Variants in FDX1 observed in about 807,000 individuals in gnomAD.
FDX1 encodes ferredoxin 1.
FDX1 carries 9 observed loss-of-function variants against 14.9 expected under a neutral mutation model. That is an observed-to-expected ratio of 0.60 (90% confidence interval 0.36 to 1.05). The LOEUF (loss-of-function observed/expected upper bound fraction) is 1.05, where lower values mean the gene tolerates loss of function less well. Ranked by LOEUF, FDX1 falls within the 50% of genes least tolerant of loss-of-function variation. FDX1 has a pLI of 0.01. For missense variants in FDX1, 204 were observed against 237.2 expected, an observed-to-expected ratio of 0.86 and a Z score of 0.92; for synonymous variants, 92 against 99.4, an observed-to-expected ratio of 0.93 and a Z score of 0.44.
chr11:110,455,296 G>A (rs1220378379), intron 2 of FDX1, among the ~76,000 whole-genome samples: 1 of 151,908 alleles, frequency 6.6e-6, no homozygotes, highest in Admixed American at 6.6e-5. Context: ...CACCGTGCCC[G>A]GCCTGTTTTT....
rs114137057 is a variant in FDX1 at position 110,446,848 on chromosome 11, C to G, written c.311-10070C>G. On this transcript the variant is annotated intron_variant, in intron 2 of 3. Coordinates refer to ENST00000260270, the MANE Select transcript of FDX1 (RefSeq NM_004109.5). The stretch of plus-strand genomic sequence containing the variant: ...GAGTTTAACAGCCAGGTAATTTGTC[C>G]TAACAGAAATCAGACATGTCAGTCC... Among the ~76,000 whole-genome samples, 1,353 of 152,284 alleles carry G rather than the reference C, an allele frequency of 8.9e-3. 28 individuals carry two copies. The highest frequency in any genetic ancestry group is 0.031 in the African/African-American group (1,275 of 41,556).
chr11:110,462,188 T>C (rs917992202), intron 3 of FDX1, among the ~76,000 whole-genome samples, 166 bp from the exon 4 acceptor site: 2 of 152,234 alleles, frequency 1.3e-5, no homozygotes, highest in African/African-American at 4.8e-5. Context: ...TATTCTCTAG[T>C]TGATAGGGTT....
intron 3 of FDX1, 35 bp downstream of exon 3, chr11:110,457,082 A>G: frequency 6.3e-7 from 1 of 1,584,048 alleles, no homozygotes; most frequent in South Asian, 1.1e-5. Context: ...TGTAATAATA[A>G]TCTGGGAACA....
chr11:110,450,118 A>G (rs534254576), intron 2 of FDX1, among the ~76,000 whole-genome samples: 10 of 152,136 alleles, frequency 6.6e-5, no homozygotes, highest in African/African-American at 2.4e-4. Context: ...TCCATGGGCA[A>G]GGTTGGGGTG....
intron 2 of FDX1, among the ~76,000 whole-genome samples, chr11:110,445,620 T>C (rs1299462456): frequency 6.6e-6 from 1 of 152,236 alleles, no homozygotes; most frequent in Non-Finnish European, 1.5e-5. Flanking sequence ...CACAGTTAAA[T>C]AAAGTTTTTT....
chr11:110,453,558 GTT>G, intron 2 of FDX1, among the ~76,000 whole-genome samples: 1 of 142,194 alleles, frequency 7.0e-6, no homozygotes, highest in East Asian at 2.1e-4. Context: ...ATTTTTGCAG[GTT>G]TTTTTTTTTC....
At chr11:110,460,077 C>T (rs1057370095) in intron 3 of FDX1, among the ~76,000 whole-genome samples, 3 of 152,212 alleles carry the variant, frequency 2.0e-5, no homozygotes, top group African/African-American at 7.2e-5. Context: ...AACAGACTCT[C>T]TAGAGCTCAC....
At chr11:110,459,162 C>T (rs956258333) in intron 3 of FDX1, among the ~76,000 whole-genome samples, 1 of 150,980 alleles carries the variant, frequency 6.6e-6, no homozygotes, top group Non-Finnish European at 1.5e-5. Flanking sequence ...GTAATTGCTC[C>T]CTGCCACCAG....
chr11:110,461,834 T>G (rs1283561586), intron 3 of FDX1, among the ~76,000 whole-genome samples: 1 of 152,210 alleles, frequency 6.6e-6, no homozygotes, highest in Admixed American at 6.5e-5. Context: ...TTAAGATGCT[T>G]CTTGATTTCC....
chr11:110,444,685 C>CATATATATAT (rs1340877039), intron 2 of FDX1, among the ~76,000 whole-genome samples: 1 of 36,736 alleles, frequency 2.7e-5, no homozygotes, highest in African/African-American at 1.6e-4. Flanking sequence ...TATATATATA[C>CATATATATAT]ACGTATATAT....
intron 2 of FDX1, among the ~76,000 whole-genome samples, chr11:110,442,011 C>T (rs56691097): frequency 0.024 from 3,579 of 152,292 alleles, 128 homozygotes; most frequent in African/African-American, 0.075. Flanking sequence ...GAGCTAGGGC[C>T]GTGGCTTCAG....
rs1946318173 is a variant in FDX1 at position 110,430,010 on chromosome 11, C to T, written c.-111C>T. ...TCCGCCACTCCAGCCCCGCGCCCCT[C>T]GCCGCGGCCCTCGGGCGTCTGCGCC... On this transcript the variant is annotated 5_prime_UTR_variant, in exon 1 of 4. Coordinates refer to ENST00000260270, the MANE Select transcript of FDX1 (RefSeq NM_004109.5). 3 of 762,588 alleles carry T rather than the reference C, an allele frequency of 3.9e-6. No homozygotes were observed. Among genetic ancestry groups the T allele is most frequent in the Non-Finnish European group, 3.5e-6 (2 of 572,154 alleles). The allele number at this position is 762,588 out of a possible 1,614,324, so 47.2% of individuals were successfully genotyped here.
chr11:110,434,612 C>T (rs1351309733), intron 1 of FDX1, among the ~76,000 whole-genome samples: 1 of 151,704 alleles, frequency 6.6e-6, no homozygotes, highest in East Asian at 1.9e-4. Flanking sequence ...GAATTACAGG[C>T]GTGAGTCACC....
chr11:110,457,395 A>G (rs747564805), intron 3 of FDX1, among the ~76,000 whole-genome samples: 1 of 139,716 alleles, frequency 7.2e-6, no homozygotes, highest in Non-Finnish European at 1.5e-5. Context: ...CACAATTATA[A>G]TGGAAAGTTT....
intron 1 of FDX1, 21 bp downstream of exon 1, chr11:110,430,326 G>C: frequency 1.7e-6 from 2 of 1,186,068 alleles, no homozygotes; most frequent in Non-Finnish European, 2.1e-6. Context: ...GTGCGGGCGC[G>C]ATCGCCGGCG....
At chr11:110,454,996 G>GT (rs1366278295) in intron 2 of FDX1, among the ~76,000 whole-genome samples, 1 of 152,082 alleles carries the variant, frequency 6.6e-6, no homozygotes, top group Non-Finnish European at 1.5e-5. Context: ...TCACGATGGT[G>GT]TTTTTTTGTT....
chr11:110,430,000 C>T lies in FDX1; in HGVS notation c.-121C>T. On this transcript the variant is annotated 5_prime_UTR_variant, in exon 1 of 4. Coordinates refer to ENST00000260270, the MANE Select transcript of FDX1 (RefSeq NM_004109.5). ...GCAGGGTCTCTCCGCCACTCCAGCCCCGCGCCCCTCGCCGCGGCCCTCGGG... is the reference window on the plus strand; with the variant it reads ...GCAGGGTCTCTCCGCCACTCCAGCCTCGCGCCCCTCGCCGCGGCCCTCGGG... 3.1e-6 allele frequency: 2 copies of T among 644,482 alleles called. No homozygotes were observed. Among genetic ancestry groups the T allele is most frequent in the Non-Finnish European group, 4.3e-6 (2 of 464,430 alleles). 39.9% of individuals were successfully genotyped at this position (644,482 alleles called of 1,614,324 possible).
intron 1 of FDX1, among the ~76,000 whole-genome samples, chr11:110,431,586 C>G (rs75288793): frequency 3.3e-5 from 5 of 152,136 alleles, no homozygotes; most frequent in African/African-American, 9.7e-5. Flanking sequence ...CACTTCCCCC[C>G]CTGTCTTTGA....
intron 2 of FDX1, among the ~76,000 whole-genome samples, chr11:110,456,286 A>T (rs1946520985): frequency 6.6e-6 from 1 of 152,170 alleles, no homozygotes; most frequent in Non-Finnish European, 1.5e-5. Context: ...AAAATTGCAC[A>T]AATTTTTATA....
Sources: gnomAD v4.1 joint callset for allele counts (sites outside exome capture counted in the v4.1 genomes callset) on GRCh38, gnomAD v4.1.1 for gene constraint, MANE v1.5 for transcripts, NCBI Gene and HGNC (gene_info 2026-07-23, HGNC 2026-07-21) for gene names.